Variants in SLC13A1 observed in about 807,000 individuals in gnomAD.
The protein encoded by SLC13A1 is solute carrier family 13 member 1.
Under a neutral mutation model 70.0 loss-of-function variants are expected in SLC13A1, and 65 were observed. The observed-to-expected ratio is 0.93, with a 90% CI of 0.76 to 1.14. The LOEUF (loss-of-function observed/expected upper bound fraction) is 1.14, where lower values mean the gene tolerates loss of function less well. Ranked by LOEUF, SLC13A1 falls within the 50% of genes most tolerant of loss-of-function variation. The probability of loss-of-function intolerance (pLI) is 0.00; values close to 1 mark genes in which losing one functional copy is unlikely to be tolerated. For missense variants in SLC13A1, 726 were observed against 717.8 expected, an observed-to-expected ratio of 1.01 and a Z score of -0.13; for synonymous variants, 275 against 250.5, an observed-to-expected ratio of 1.10 and a Z score of -0.92.
rs1362258678 is a variant in SLC13A1 at position 123,113,760 on chromosome 7, T to G, written c.*1758A>C. 1 of 152,066 alleles carries G rather than the reference T, an allele frequency of 6.6e-6. No individual in the cohort carries two copies. Among genetic ancestry groups the G allele is most frequent in the Non-Finnish European group, 1.5e-5 (1 of 68,010 alleles). 9.4% of individuals were successfully genotyped at this position (152,066 alleles called of 1,614,324 possible). A position where few individuals can be genotyped will look rare whatever the true frequency, so the allele number is the denominator to read the frequency against. ...TAATTTAAGCTTTACATGGACAAAT[T>G]TTTCTTTGAAAAAATGATTTTTTGC... On this transcript the variant is annotated 3_prime_UTR_variant, in exon 15 of 15. Transcript: ENST00000194130.
intron 6 of SLC13A1, among the ~76,000 whole-genome samples, chr7:123,157,717 C>A (rs1178603908): frequency 6.6e-6 from 1 of 152,006 alleles, no homozygotes; most frequent in Admixed American, 6.6e-5. Flanking sequence ...AAATGAGATG[C>A]TATTTAAAAT....
chr7:123,128,702 T>A (rs1793649964), intron 10 of SLC13A1, 143 bp downstream of exon 10: 1 of 621,784 alleles, frequency 1.6e-6, no homozygotes, highest in South Asian at 2.2e-5. Flanking sequence ...ATTTTTTTCC[T>A]GAAAAGATTA....
intron 1 of SLC13A1, among the ~76,000 whole-genome samples, chr7:123,199,378 T>C (rs920336767): frequency 1.3e-5 from 2 of 152,054 alleles, no homozygotes; most frequent in African/African-American, 4.8e-5. Flanking sequence ...GGGAACTAAA[T>C]TTCCAGGAAG....
chr7:123,123,369 T>C, intron 11 of SLC13A1, 134 bp from the exon 12 acceptor site: 1 of 600,486 alleles, frequency 1.7e-6, no homozygotes, highest in Non-Finnish European at 3.0e-6. Flanking sequence ...GGAATTAATC[T>C]GGAGTTTGAG....
chr7:123,171,835 C>G lies in SLC13A1; in HGVS notation c.298G>C (p.Glu100Gln), dbSNP rs201036744. ...IGVICLATSIEKWNLHKRIAL... is the reference protein window; with the variant it reads ...IGVICLATSIQKWNLHKRIAL... ...ATTCTCTTGTGCAAATTCCATTTTT[C>G]TATGGATGTTGCTAAACAGATAACT... The change falls in exon 3 of 15, where the codon GAA (glutamate) becomes CAA (glutamine). Residue 100 changes from glutamate to glutamine, a missense_variant. Coordinates refer to ENST00000194130, the MANE Select transcript of SLC13A1 (RefSeq NM_022444.4). 1 of 1,613,610 alleles carries G rather than the reference C, an allele frequency of 6.2e-7. No homozygotes were observed. Among genetic ancestry groups the G allele is most frequent in the South Asian group, 1.1e-5 (1 of 91,044 alleles).
At chr7:123,164,453 A>T (rs1159411053) in intron 6 of SLC13A1, among the ~76,000 whole-genome samples, 1 of 151,862 alleles carries the variant, frequency 6.6e-6, no homozygotes, top group East Asian at 1.9e-4. Flanking sequence ...TAAAATCTTT[A>T]GTTTTGTACT....
Position 123,181,147 on chromosome 7 carries a change from A to C in SLC13A1, c.100-46T>G, listed in dbSNP as rs374737943. The C allele has an allele frequency of 1.1e-5, 17 of 1,586,722 alleles. No homozygotes were observed. The African/African-American group carries it at 2.2e-4, about 20-fold the overall frequency. On this transcript the variant is annotated intron_variant, in intron 1 of 14. Transcript: ENST00000194130. ...GCAAAAGGTGATATTATGAGGCTGG[A>C]GAAGTCAACATTCAAACACAAACAT...
intron 6 of SLC13A1, among the ~76,000 whole-genome samples, chr7:123,164,563 CA>C (rs559113734): frequency 1.3e-4 from 19 of 147,842 alleles, no homozygotes; most frequent in Middle Eastern, 3.6e-3. Context: ...TGCAGATTAC[CA>C]AAAAAAAAGC....
intron 1 of SLC13A1, among the ~76,000 whole-genome samples, chr7:123,187,506 T>G (rs925204192): frequency 2.0e-5 from 3 of 152,230 alleles, no homozygotes; most frequent in East Asian, 3.8e-4. Flanking sequence ...TGTTAAAGAC[T>G]GATGTTAAGG....
At chr7:123,154,258 G>T (rs1273301048) in intron 6 of SLC13A1, among the ~76,000 whole-genome samples, 1 of 152,068 alleles carries the variant, frequency 6.6e-6, no homozygotes, top group Non-Finnish European at 1.5e-5. Context: ...TTACCACAAT[G>T]GTAACCTATT....
rs17145510 is a variant in SLC13A1 at position 123,183,529 on chromosome 7, C to T, written c.100-2428G>A. Among the ~76,000 whole-genome samples the T allele has an allele frequency of 4.7e-3, 715 of 152,226 alleles. 4 individuals carry two copies. The highest frequency in any genetic ancestry group is 0.016 in the African/African-American group (667 of 41,530). ...TAGGAAAAAGGTTGCCTATTTGCTC[C>T]GCCTTTCAAATATTGCTTTGTCATT... On this transcript the variant is annotated intron_variant, in intron 1 of 14. Coordinates refer to ENST00000194130, the MANE Select transcript of SLC13A1 (RefSeq NM_022444.4).
At chr7:123,119,038 T>G in intron 13 of SLC13A1, 43 bp downstream of exon 13, 1 of 1,557,326 alleles carries the variant, frequency 6.4e-7, no homozygotes, top group South Asian at 1.1e-5. Flanking sequence ...AGCAGAGTAC[T>G]GCTCTTAATG....
At position 123,168,372 on chromosome 7, in the gene SLC13A1, A is replaced by G. The variant is rs1269018944; in HGVS notation, c.660+2T>C. The G allele has an allele frequency of 1.3e-6, 2 of 1,559,008 alleles. No homozygotes were observed. The highest frequency in any genetic ancestry group is 1.8e-6 in the Non-Finnish European group (2 of 1,136,318). On this transcript the variant is annotated splice_donor_variant, in intron 6 of 14. Coordinates refer to ENST00000194130, the MANE Select transcript of SLC13A1 (RefSeq NM_022444.4). LOFTEE classifies it high-confidence loss of function. ...TATTTAGAAAGAATCAAATTTATGT[A>G]CCTTTTCCAACTCCACCTTGCTTGA...
chr7:123,130,085 A>G (rs1291234924), intron 8 of SLC13A1, among the ~76,000 whole-genome samples: 1 of 152,164 alleles, frequency 6.6e-6, no homozygotes, highest in Non-Finnish European at 1.5e-5. Flanking sequence ...CAATTTTCAC[A>G]AAGTATGCTA....
intron 7 of SLC13A1, among the ~76,000 whole-genome samples, chr7:123,146,448 A>G (rs1320857741): frequency 2.0e-5 from 3 of 152,166 alleles, no homozygotes; most frequent in African/African-American, 7.2e-5. Context: ...TCACTTGGCA[A>G]AAGTTGCAGT....
chr7:123,198,397 A>C (rs1177829198), intron 1 of SLC13A1, among the ~76,000 whole-genome samples: 3 of 151,202 alleles, frequency 2.0e-5, no homozygotes, highest in Non-Finnish European at 4.4e-5. Flanking sequence ...TTTAGTTATT[A>C]TTATTATTTA....
intron 6 of SLC13A1, chr7:123,149,673 C>G (rs1037825836): frequency 4.4e-6 from 2 of 454,676 alleles, no homozygotes; most frequent in South Asian, 3.1e-5. Context: ...ATTATAGTTA[C>G]TCAGGGGTAG....
chr7:123,180,727 A>C (rs1448022350), intron 2 of SLC13A1, among the ~76,000 whole-genome samples: 1 of 152,130 alleles, frequency 6.6e-6, no homozygotes, highest in Admixed American at 6.6e-5. Context: ...CATAGATGTC[A>C]GTGAGAGAAG....
chr7:123,154,322 A>G (rs533194789), intron 6 of SLC13A1, among the ~76,000 whole-genome samples: 2 of 152,246 alleles, frequency 1.3e-5, no homozygotes, highest in Admixed American at 6.5e-5. Flanking sequence ...TGCCTTCCAC[A>G]TCTTCTTCCA....
Sources: allele counts gnomAD v4.1 joint callset (sites outside exome capture counted in the v4.1 genomes callset), GRCh38; gene constraint gnomAD v4.1.1; transcripts MANE v1.5; gene names NCBI Gene and HGNC (gene_info 2026-07-23, HGNC 2026-07-21).